SLC35E1: variants seen among roughly 807,000 people sequenced by gnomAD.
SLC35E1 encodes solute carrier family 35 member E1.
Under a neutral mutation model 31.0 loss-of-function variants are expected in SLC35E1, and 12 were observed. The ratio of observed to expected loss-of-function variants is 0.39; its 90% CI spans 0.25 to 0.63. The LOEUF (loss-of-function observed/expected upper bound fraction) is 0.63. Among genes scored for constraint, SLC35E1 ranks in the 20% least tolerant of loss-of-function variants. SLC35E1 has a pLI of 0.52. For synonymous variants in SLC35E1, 257 were observed against 264.1 expected, an observed-to-expected ratio of 0.97 and a Z score of 0.26; for missense variants, 429 against 572.2, an observed-to-expected ratio of 0.75 and a Z score of 2.55.
intron 2 of SLC35E1, among the ~76,000 whole-genome samples, chr19:16,571,096 A>G (rs2085955600): frequency 7.5e-6 from 1 of 133,932 alleles, no homozygotes; most frequent in South Asian, 2.3e-4. Flanking sequence ...ACTCCGTCTC[A>G]AAAAAAAAAA....
In SLC35E1 at chr19:16,555,184, T is replaced by A; in HGVS notation, c.970A>T (p.Thr324Ser). The A allele has an allele frequency of 5.6e-6, 9 of 1,614,036 alleles. No individual in the cohort carries two copies. Among genetic ancestry groups the A allele is most frequent in the Non-Finnish European group, 6.8e-6 (8 of 1,179,994 alleles). ...TAGAGGAAGACCCCCAGGATGGCGG[T>A]CATCATGCCCAGGACGTTGGTGCTG... ...VTSTNVLGMM[T>S]AILGVFLYNK... Residue 324 changes from threonine to serine, a missense_variant, in exon 5 of 6, where the codon ACC becomes TCC. Thr to Ser is a moderately conservative substitution (Grantham distance 58). Transcript: ENST00000595753. The surrounding 1 kb of genome is among the most constrained non-coding windows in gnomAD (Gnocchi z 4.1).
Position 16,572,373 on chromosome 19 carries a change from A to C in SLC35E1, c.-9T>G. On this transcript the variant is annotated 5_prime_UTR_variant, in exon 1 of 6. Coordinates refer to ENST00000595753, the MANE Select transcript of SLC35E1 (RefSeq NM_024881.5). This position sits in a 1 kb window ranked among gnomAD's most constrained non-coding sequence, Gnocchi z 4.1. Reference sequence around the variant, plus strand: ...ACCGCGGCCGCCGCCATCCTGCCCGAGCGGCCGCCCCTTCCAGCCCGTCCG... The same window carrying C: ...ACCGCGGCCGCCGCCATCCTGCCCGCGCGGCCGCCCCTTCCAGCCCGTCCG... The C allele has an allele frequency of 3.0e-6, 3 of 1,002,620 alleles. No individual in the cohort carries two copies. The highest frequency in any genetic ancestry group is 6.0e-5 in the Admixed American group (1 of 16,658). The allele number at this position is 1,002,620 out of a possible 1,614,324, so 62.1% of individuals were successfully genotyped here. A position where few individuals can be genotyped will look rare whatever the true frequency, so the allele number is the denominator to read the frequency against.
At chr19:16,560,028 TTA>T (rs1292145052) in intron 4 of SLC35E1, among the ~76,000 whole-genome samples, 1 of 152,150 alleles carries the variant, frequency 6.6e-6, no homozygotes, top group Non-Finnish European at 1.5e-5. Flanking sequence ...CCAATGTCAG[TTA>T]TGTTTTCAAA....
intron 4 of SLC35E1, among the ~76,000 whole-genome samples, chr19:16,560,881 C>CAAAAAAAAAA (rs1304202019): frequency 2.9e-5 from 2 of 68,058 alleles, no homozygotes; most frequent in East Asian, 3.9e-4. Flanking sequence ...AAAAAAAAAC[C>CAAAAAAAAAA]AAAAAAAAAA....
At chr19:16,568,832 C>A (rs1599322480) in intron 2 of SLC35E1, among the ~76,000 whole-genome samples, 1 of 151,290 alleles carries the variant, frequency 6.6e-6, no homozygotes, top group African/African-American at 2.4e-5. Flanking sequence ...GTGCCCAGCC[C>A]CCATTCCCTC....
intron 4 of SLC35E1, among the ~76,000 whole-genome samples, chr19:16,557,579 G>C (rs2085881275): frequency 6.6e-6 from 1 of 152,062 alleles, no homozygotes; most frequent in Admixed American, 6.6e-5. Flanking sequence ...CTTCTCTTTT[G>C]TCCTAACCCC....
intron 4 of SLC35E1, among the ~76,000 whole-genome samples, chr19:16,562,052 C>T (rs1407744912): frequency 2.0e-5 from 3 of 151,828 alleles, no homozygotes; most frequent in Non-Finnish European, 4.4e-5. Context: ...AACAAAACAC[C>T]ACCAAACATA....
intron 1 of SLC35E1, 62 bp downstream of exon 1, chr19:16,571,882 A>G (rs986415456): frequency 3.4e-6 from 5 of 1,482,460 alleles, no homozygotes; most frequent in Middle Eastern, 2.0e-4. Flanking sequence ...ACTCCTATCC[A>G]TGCGCCCAAA....
At chr19:16,562,625 T>TTTTG (rs10624240) in intron 4 of SLC35E1, among the ~76,000 whole-genome samples, 140,052 of 152,008 alleles carry the variant, frequency 0.92, 64,704 homozygotes, top group African/African-American at 0.97. Context: ...TATTATAGTA[T>TTTTG]TTTGTTTTTC....
chr19:16,550,668 G>C lies in SLC35E1; in HGVS notation c.*3011C>G, dbSNP rs1258953163. 6.6e-6 allele frequency: 1 copy of C among 152,320 alleles called. No homozygotes were observed. The highest frequency in any genetic ancestry group is 2.4e-5 in the African/African-American group (1 of 41,448). 9.4% of individuals were successfully genotyped at this position (152,320 alleles called of 1,614,324 possible). On this transcript the variant is annotated 3_prime_UTR_variant, in exon 6 of 6. Coordinates refer to ENST00000595753, the MANE Select transcript of SLC35E1 (RefSeq NM_024881.5). ...AATCACCTGAACCCGGGGGATGGAG[G>C]TTGTAGTGAGCTGAGACTGCGCCAC... is the stretch of plus-strand genomic sequence containing the variant.
chr19:16,554,019 C>T (rs1599761654), intron 5 of SLC35E1, 110 bp from the exon 6 acceptor site: 2 of 934,206 alleles, frequency 2.1e-6, no homozygotes, highest in East Asian at 5.8e-5. Flanking sequence ...AATCCCAGCA[C>T]TTTGGGAGGT....
intron 4 of SLC35E1, 51 bp downstream of exon 4, chr19:16,566,481 A>G (rs553303701): frequency 8.7e-6 from 14 of 1,609,656 alleles, no homozygotes; most frequent in South Asian, 5.5e-5. Context: ...CAAAGCACCT[A>G]TTCTGGAACT....
intron 4 of SLC35E1, chr19:16,557,072 T>C (rs2085878540): frequency 2.3e-6 from 1 of 434,648 alleles, no homozygotes; most frequent in Non-Finnish European, 4.8e-6. Flanking sequence ...ATTTCCATGC[T>C]ATTTTCTTCC....
chr19:16,567,494 G>A (rs915243287), intron 3 of SLC35E1, among the ~76,000 whole-genome samples: 5 of 152,206 alleles, frequency 3.3e-5, no homozygotes, highest in African/African-American at 9.7e-5. Flanking sequence ...GCGACAGTGA[G>A]CCTTGGTCTC....
chr19:16,571,853 G>A (rs1275803487), intron 1 of SLC35E1, 91 bp downstream of exon 1: 1 of 1,341,832 alleles, frequency 7.5e-7, no homozygotes, highest in Non-Finnish European at 1.0e-6. Flanking sequence ...AGTCCGGCGG[G>A]ACGCGCCCCG....
At chr19:16,564,545 A>T (rs1371654591) in intron 4 of SLC35E1, among the ~76,000 whole-genome samples, 1 of 152,072 alleles carries the variant, frequency 6.6e-6, no homozygotes, top group African/African-American at 2.4e-5. Context: ...ACCTCAAGTG[A>T]TCTGCCCACC....
In SLC35E1 at chr19:16,552,784, ATCTC is replaced by A. The variant is rs144429377; in HGVS notation, c.*891_*894del. The A allele has an allele frequency of 0.028, 4,201 of 152,320 alleles. 62 individuals are homozygous for A. Among genetic ancestry groups the A allele is most frequent in the Middle Eastern group, 0.044 (13 of 294 alleles). 9.4% of individuals were successfully genotyped at this position (152,320 alleles called of 1,614,324 possible). A position where few individuals can be genotyped will look rare whatever the true frequency, so the allele number is the denominator to read the frequency against. On this transcript the variant is annotated 3_prime_UTR_variant, in exon 6 of 6. Transcript: ENST00000595753. ...AATGCAAGATCCTCCGAAAATCAAG[ATCTC>A]TCTACCAAACAACATACCAAGTCAT...
intron 3 of SLC35E1, among the ~76,000 whole-genome samples, chr19:16,567,113 T>C (rs1242693590): frequency 6.6e-6 from 1 of 152,124 alleles, no homozygotes; most frequent in African/African-American, 2.4e-5. Context: ...TGGAAATAAG[T>C]GGTATTTCCA....
At chr19:16,557,867 G>A (rs1248626450) in intron 4 of SLC35E1, among the ~76,000 whole-genome samples, 12 of 152,138 alleles carry the variant, frequency 7.9e-5, no homozygotes, top group Non-Finnish European at 1.5e-4. Flanking sequence ...AGGCTGCAGT[G>A]CAGTGGTGGG....
Sources: allele counts gnomAD v4.1 joint callset (sites outside exome capture counted in the v4.1 genomes callset), GRCh38; gene constraint gnomAD v4.1.1; non-coding constraint Gnocchi (gnomAD v3.1); transcripts MANE v1.5; gene names NCBI Gene and HGNC (gene_info 2026-07-23, HGNC 2026-07-21).